The following KLK12 variants were observed in gnomAD, a reference collection of about 807,000 sequenced individuals.
KLK12 encodes the protein kallikrein-12.
In KLK12, 23 loss-of-function variants were observed where a neutral mutation model predicts 20.0. The observed-to-expected ratio is 1.15, with a 90% CI of 0.83 to 1.63. The LOEUF (loss-of-function observed/expected upper bound fraction) is 1.63. KLK12 is among the 40% of genes most tolerant of loss of function. The probability of loss-of-function intolerance (pLI) is 0.00; values close to 1 mark genes in which losing one functional copy is unlikely to be tolerated. For synonymous variants in KLK12, 147 were observed against 141.9 expected, an observed-to-expected ratio of 1.04 and a Z score of -0.25; for missense variants, 351 against 338.6, an observed-to-expected ratio of 1.04 and a Z score of -0.29.
intron 3 of KLK12, among the ~76,000 whole-genome samples, chr19:51,033,314 CAAAG>C (rs2091578994): frequency 6.6e-6 from 1 of 151,872 alleles, no homozygotes; most frequent in African/African-American, 2.4e-5. Context: ...TGAAGTTGCA[CAAAG>C]AGTTTGGGTC....
intron 4 of KLK12, 87 bp from the exon 5 acceptor site, chr19:51,031,008 T>G: frequency 1.3e-6 from 2 of 1,499,134 alleles, no homozygotes; most frequent in Non-Finnish European, 9.3e-7. Flanking sequence ...GGCCCATCCA[T>G]GTCAATACCC....
chr19:51,034,549 G>C (rs375581488), intron 2 of KLK12, 36 bp downstream of exon 2: 136 of 1,603,332 alleles, frequency 8.5e-5, no homozygotes, highest in Admixed American at 3.6e-4. Flanking sequence ...GGATCCAGTC[G>C]CAGTCCTGCC....
intron 1 of KLK12, 54 bp downstream of exon 1, chr19:51,034,752 A>G (rs2091595425): frequency 6.5e-7 from 1 of 1,531,440 alleles, no homozygotes; most frequent in Non-Finnish European, 8.8e-7. Context: ...TCCTCTCTCT[A>G]CCTGCTCCCC....
chr19:51,033,789 C>T (rs569210817), intron 3 of KLK12, 191 bp downstream of exon 3: 2 of 654,664 alleles, frequency 3.1e-6, no homozygotes, highest in Non-Finnish European at 2.7e-6. Flanking sequence ...CGGCCCTCCA[C>T]CCAACATACC....
Position 51,032,661 on chromosome 19 carries a change from A to T in KLK12, c.198-526T>A, listed in dbSNP as rs565474833. Among the ~76,000 whole-genome samples the T allele has an allele frequency of 4.0e-3, 601 of 151,196 alleles. 6 individuals carry two copies. Among genetic ancestry groups the T allele is most frequent in the South Asian group, 0.017 (81 of 4,668 alleles). On this transcript the variant is annotated intron_variant, in intron 3 of 5. Transcript: ENST00000684732. ...CTCGGCCTCCCAAAGTGCTGGGATT[A>T]CAGGTGTGAGCCACCGCGCCAGGCC... is the stretch of plus-strand genomic sequence containing the variant.
intron 5 of KLK12, 83 bp from the exon 6 acceptor site, chr19:51,029,540 G>C: frequency 8.6e-7 from 1 of 1,160,716 alleles, no homozygotes; most frequent in Non-Finnish European, 1.3e-6. Flanking sequence ...CCAGTCCTGG[G>C]CCTTGGGGAG....
At chr19:51,032,385 T>C (rs956499098) in intron 3 of KLK12, among the ~76,000 whole-genome samples, 1 of 142,686 alleles carries the variant, frequency 7.0e-6, no homozygotes, top group South Asian at 2.4e-4. Flanking sequence ...TCTCTCCTTT[T>C]TTTTTTTTTT....
At chr19:51,033,511 G>C (rs1183200373) in intron 3 of KLK12, among the ~76,000 whole-genome samples, 1 of 152,188 alleles carries the variant, frequency 6.6e-6, no homozygotes, top group East Asian at 1.9e-4. Flanking sequence ...AGCTACTCAG[G>C]AGGCTGGGGC....
intron 5 of KLK12, among the ~76,000 whole-genome samples, chr19:51,029,923 G>C (rs931394041): frequency 2.6e-5 from 4 of 152,106 alleles, no homozygotes; most frequent in African/African-American, 4.8e-5. Context: ...ACAATGCCTG[G>C]GGTTCTGACC....
At chr19:51,030,266 G>C (rs946878836) in intron 5 of KLK12, among the ~76,000 whole-genome samples, 1 of 144,252 alleles carries the variant, frequency 6.9e-6, no homozygotes, top group Non-Finnish European at 1.5e-5. Flanking sequence ...TCCATTCCCC[G>C]GTCCTCCCTT....
chr19:51,030,673 C>T (rs1421564564), intron 5 of KLK12, 115 bp downstream of exon 5: 1 of 1,440,606 alleles, frequency 6.9e-7, no homozygotes, highest in South Asian at 1.1e-5. Flanking sequence ...TTGACCCCGT[C>T]TCTCTGCAGC....
At chr19:51,033,925 C>T (rs900476193) in intron 3 of KLK12, 55 bp downstream of exon 3, 2 of 1,543,968 alleles carry the variant, frequency 1.3e-6, no homozygotes, top group Non-Finnish European at 1.8e-6. Context: ...TGATCCTACC[C>T]CCAGCGCTTG....
intron 5 of KLK12, among the ~76,000 whole-genome samples, chr19:51,030,402 T>C (rs1239151518): frequency 6.6e-6 from 1 of 151,284 alleles, no homozygotes; most frequent in Non-Finnish European, 1.5e-5. Flanking sequence ...CAGGCTGGAG[T>C]GCAGTGGCGT....
In KLK12 at chr19:51,029,409, C is replaced by T; in HGVS notation, c.640G>A (p.Val214Met). ...LVCGGVLQGL[V>M]SWGSVGPCGQ... ...CAGGGCCCCACAGACCCCCAGGACA[C>T]CAGACCTTGAAGGACTCCCCCACAC... Residue 214 changes from valine to methionine, a missense_variant, in exon 6 of 6, where the codon GTG (valine) becomes ATG (methionine). By Grantham distance (21) the Val-to-Met change is conservative. Transcript: ENST00000684732. 3.7e-6 allele frequency: 6 copies of T among 1,613,774 alleles called. No individual in the cohort carries two copies. The highest frequency in any genetic ancestry group is 5.1e-6 in the Non-Finnish European group (6 of 1,179,674).
intron 2 of KLK12, 131 bp from the exon 3 acceptor site, chr19:51,034,270 G>C (rs1306421967): frequency 8.1e-7 from 1 of 1,232,638 alleles, no homozygotes; most frequent in Admixed American, 2.1e-5. Context: ...GAGAGAAAGA[G>C]AGAGAGACCC....
intron 4 of KLK12, 102 bp downstream of exon 4, chr19:51,031,774 C>A (rs774067352): frequency 7.7e-6 from 10 of 1,305,516 alleles, no homozygotes; most frequent in Non-Finnish European, 8.8e-6. Context: ...CACCCTGACC[C>A]TTTACCCATC....
chr19:51,031,833 T>C (rs1458975210), intron 4 of KLK12, 43 bp downstream of exon 4: 2 of 1,606,658 alleles, frequency 1.2e-6, no homozygotes, highest in Non-Finnish European at 1.7e-6. Flanking sequence ...ATCCCAGACT[T>C]GTACCCATCC....
chr19:51,031,841 T>TCCTGACC (rs751813675), intron 4 of KLK12, 35 bp downstream of exon 4: 2 of 1,610,478 alleles, frequency 1.2e-6, no homozygotes, highest in Admixed American at 1.7e-5. Context: ...CTTGTACCCA[T>TCCTGACC]CCTGACCCCT....
Position 51,034,999 on chromosome 19 carries a change from C to G in KLK12, c.-213G>C. On this transcript the variant is annotated 5_prime_UTR_variant, in exon 1 of 6. Coordinates refer to ENST00000684732, the MANE Select transcript of KLK12 (RefSeq NM_001370125.1). ...AACCGGTCCCTTTCCTTCCATCTGTCGCTCCAGACAGACCACTGACAAAGC... is the reference window on the plus strand; with the variant it reads ...AACCGGTCCCTTTCCTTCCATCTGTGGCTCCAGACAGACCACTGACAAAGC... 8.8e-7 allele frequency: 1 copy of G among 1,130,990 alleles called. No homozygotes were observed. The highest frequency in any genetic ancestry group is 1.1e-6 in the Non-Finnish European group (1 of 916,128). The allele number at this position is 1,130,990 out of a possible 1,614,324, so 70.1% of individuals were successfully genotyped here. A position where few individuals can be genotyped will look rare whatever the true frequency, so the allele number is the denominator to read the frequency against.
Sources: gnomAD v4.1 joint callset for allele counts (sites outside exome capture counted in the v4.1 genomes callset) on GRCh38, gnomAD v4.1.1 for gene constraint, MANE v1.5 for transcripts, NCBI Gene and HGNC (gene_info 2026-07-23, HGNC 2026-07-21) for gene names.